Variants in NFASC observed in about 807,000 individuals in gnomAD.
The protein encoded by NFASC is neurofascin, also known as neurofascin homolog.
A neutral mutation model predicts 147.5 loss-of-function variants in NFASC; 43 were observed. That is an observed-to-expected ratio of 0.29 (90% CI 0.23 to 0.38). The LOEUF (loss-of-function observed/expected upper bound fraction) is 0.38. Ranked by LOEUF, NFASC falls within the 10% of genes least tolerant of loss-of-function variation. The pLI, the probability that NFASC is intolerant of heterozygous loss-of-function variation, is 1.00. For synonymous variants in NFASC, 622 were observed against 665.5 expected (o/e 0.93, Z 1.01); for missense variants, 1,320 against 1,689.0 (o/e 0.78, Z 3.83).
intron 16 of NFASC, 87 bp downstream of exon 16, chr1:204,976,882 G>A (rs558505724): frequency 2.6e-6 from 4 of 1,530,354 alleles, no homozygotes; most frequent in Non-Finnish European, 2.6e-6. Context: ...AGTTCCGAGG[G>A]CAGTGCCTGC....
chr1:204,873,184 A>G (rs1188536819), intron 1 of NFASC, among the ~76,000 whole-genome samples: 2 of 152,210 alleles, frequency 1.3e-5, no homozygotes, highest in African/African-American at 4.8e-5. Flanking sequence ...GGCACCTTGC[A>G]TTTCAGAGGG....
At chr1:204,861,442 G>A (rs2076664347) in intron 1 of NFASC, among the ~76,000 whole-genome samples, 1 of 151,890 alleles carries the variant, frequency 6.6e-6, no homozygotes, top group African/African-American at 2.4e-5. Flanking sequence ...GAATTGCTGG[G>A]TCATATGGTA....
At chr1:204,955,016 A>C in intron 7 of NFASC, 65 bp downstream of exon 7, 11 of 1,165,924 alleles carry the variant, frequency 9.4e-6, no homozygotes, top group Non-Finnish European at 1.4e-5. Flanking sequence ...GGGTGTGTTA[A>C]GTGGGGAGGG....
intron 1 of NFASC, among the ~76,000 whole-genome samples, chr1:204,879,936 C>T (rs1261121644): frequency 2.6e-5 from 4 of 152,184 alleles, no homozygotes; most frequent in African/African-American, 9.7e-5. Flanking sequence ...ATGCTGTGGG[C>T]TCTCGGCTGT....
intron 2 of NFASC, among the ~76,000 whole-genome samples, chr1:204,921,282 C>A (rs1333152352): frequency 2.0e-5 from 3 of 152,206 alleles, no homozygotes; most frequent in Non-Finnish European, 4.4e-5. Context: ...CCACTCCCAG[C>A]AACTCCTGTT....
At chr1:204,858,451 A>T (rs1360868254) in intron 1 of NFASC, among the ~76,000 whole-genome samples, 1 of 152,146 alleles carries the variant, frequency 6.6e-6, no homozygotes, top group African/African-American at 2.4e-5. Flanking sequence ...TGAGTGACTC[A>T]TCCAAGCAAA....
intron 8 of NFASC, among the ~76,000 whole-genome samples, chr1:204,961,660 C>T (rs755430449): frequency 4.6e-5 from 7 of 152,250 alleles, no homozygotes; most frequent in African/African-American, 9.6e-5. Flanking sequence ...TGCTCTTCCC[C>T]GGAGCTCACT....
At chr1:204,839,082 G>A (rs1428644483) in intron 1 of NFASC, among the ~76,000 whole-genome samples, 3 of 152,058 alleles carry the variant, frequency 2.0e-5, no homozygotes, top group Non-Finnish European at 2.9e-5. Context: ...TCCTAAACCG[G>A]GATGCATGCT....
At chr1:204,885,398 A>G (rs1572497271) in intron 1 of NFASC, among the ~76,000 whole-genome samples, 1 of 151,004 alleles carries the variant, frequency 6.6e-6, no homozygotes, top group African/African-American at 2.4e-5. Flanking sequence ...GTGGGGGGGG[A>G]AGCATGGTAC....
At chr1:205,012,952 G>C in intron 29 of NFASC, 86 bp downstream of exon 29, 3 of 956,052 alleles carry the variant, frequency 3.1e-6, no homozygotes, top group Non-Finnish European at 5.1e-6. Context: ...GCTCCGCTTG[G>C]CTGAGAGGCC....
At chr1:204,844,319 T>C (rs1676331425) in intron 1 of NFASC, among the ~76,000 whole-genome samples, 1 of 152,194 alleles carries the variant, frequency 6.6e-6, no homozygotes, top group African/African-American at 2.4e-5. Flanking sequence ...AAAGTAGAAA[T>C]GCCCTATGAA....
chr1:204,925,827 G>A (rs562755414), intron 2 of NFASC, among the ~76,000 whole-genome samples: 1 of 152,244 alleles, frequency 6.6e-6, no homozygotes, highest in South Asian at 2.1e-4. Flanking sequence ...CCAGATGGTG[G>A]GTCCTCAGAT....
intron 1 of NFASC, among the ~76,000 whole-genome samples, chr1:204,889,900 C>T (rs1398705586): frequency 6.6e-6 from 1 of 152,244 alleles, no homozygotes; most frequent in Non-Finnish European, 1.5e-5. Flanking sequence ...TCCACCTTAT[C>T]ACAGCACCAT....
intron 8 of NFASC, chr1:204,961,998 C>A: frequency 1.3e-6 from 1 of 795,002 alleles, no homozygotes; most frequent in Non-Finnish European, 2.2e-6. Context: ...AAGACCACTG[C>A]TGCCCTCCTC....
In NFASC at chr1:204,832,223, G is replaced by C. The variant is rs191726607; in HGVS notation, c.-200+3441G>C. On this transcript the variant is annotated intron_variant, in intron 1 of 29. Transcript: ENST00000339876. ...GAATACCCAAAGGGAGCTCTGTGAT[G>C]AGGTCGAGGCTGCTTAACTCTCCCA... 4.6e-5 allele frequency among the ~76,000 whole-genome samples: 7 copies of C among 152,340 alleles called. No individual in the cohort carries two copies. In the East Asian group the frequency reaches 1.3e-3, roughly 29 times the overall value.
chr1:204,974,548 G>A, intron 13 of NFASC, 109 bp from the exon 14 acceptor site: 3 of 1,304,886 alleles, frequency 2.3e-6, no homozygotes, highest in Non-Finnish European at 3.3e-6. Context: ...CAGTCTCCTA[G>A]CATGGGGCTC....
intron 24 of NFASC, among the ~76,000 whole-genome samples, chr1:204,991,798 G>T (rs1426113389): frequency 2.0e-5 from 3 of 152,224 alleles, no homozygotes; most frequent in Non-Finnish European, 4.4e-5. Flanking sequence ...CTGCATGGGG[G>T]CCCGGCACCG....
At chr1:204,963,467 A>G (rs1489742654) in intron 8 of NFASC, among the ~76,000 whole-genome samples, 1 of 152,198 alleles carries the variant, frequency 6.6e-6, no homozygotes, top group Non-Finnish European at 1.5e-5. Flanking sequence ...TCCTCACTTT[A>G]TGTAAGATAA....
chr1:204,874,642 G>C (rs756915363), intron 1 of NFASC, among the ~76,000 whole-genome samples: 1 of 152,120 alleles, frequency 6.6e-6, no homozygotes, highest in Non-Finnish European at 1.5e-5. Flanking sequence ...CGCCTCTGCC[G>C]GTGCCCTTCT....
Sources: gnomAD v4.1 joint callset for allele counts (sites outside exome capture counted in the v4.1 genomes callset) on GRCh38, gnomAD v4.1.1 for gene constraint, MANE v1.5 for transcripts, NCBI Gene and HGNC (gene_info 2026-07-23, HGNC 2026-07-21) for gene names.